Variants in TVP23A observed in about 807,000 individuals in gnomAD.
TVP23A encodes the protein trans-golgi network vesicle protein 23 homolog A.
In TVP23A, 21 loss-of-function variants were observed where a neutral mutation model predicts 31.7. The ratio of observed to expected loss-of-function variants is 0.66; its 90% CI spans 0.47 to 0.95. TVP23A has a LOEUF of 0.95. Ranked by LOEUF, TVP23A falls within the 40% of genes least tolerant of loss-of-function variation. The probability of loss-of-function intolerance (pLI) is 0.00; values close to 1 mark genes in which losing one functional copy is unlikely to be tolerated. For synonymous variants in TVP23A, 104 were observed against 96.0 expected (o/e 1.08, Z -0.49); for missense variants, 279 against 255.6 (o/e 1.09, Z -0.62).
intron 2 of TVP23A, among the ~76,000 whole-genome samples, chr16:10,778,865 C>T (rs2032247639): frequency 6.6e-6 from 1 of 152,110 alleles, no homozygotes; most frequent in Non-Finnish European, 1.5e-5. Flanking sequence ...ACTTGGGAGG[C>T]TGAGGCAGGA....
intron 2 of TVP23A, among the ~76,000 whole-genome samples, chr16:10,781,151 A>C (rs1201862734): frequency 6.6e-6 from 1 of 152,062 alleles, no homozygotes; most frequent in African/African-American, 2.4e-5. Flanking sequence ...CAACATGAAG[A>C]ACCCCCATCT....
At chr16:10,805,335 T>A (rs529359919) in intron 2 of TVP23A, among the ~76,000 whole-genome samples, 71 of 152,234 alleles carry the variant, frequency 4.7e-4, no homozygotes, top group African/African-American at 1.5e-3. Flanking sequence ...CCCAGCCTAA[T>A]GTGATCTTTT....
chr16:10,801,126 G>T (rs1009550169), intron 2 of TVP23A, among the ~76,000 whole-genome samples: 1 of 152,130 alleles, frequency 6.6e-6, no homozygotes, highest in East Asian at 1.9e-4. Flanking sequence ...TCTTTGAGTG[G>T]CAAAGAGAAT....
Position 10,774,892 on chromosome 16 carries a change from C to T in TVP23A, c.234+60G>A, listed in dbSNP as rs1256130001. Reference sequence around the variant, plus strand: ...TAAACCAAAGTACCTCTTGGTACCACGCACACAGGGGACAAGCCTCGTGTT... The same window carrying T: ...TAAACCAAAGTACCTCTTGGTACCATGCACACAGGGGACAAGCCTCGTGTT... On this transcript the variant is annotated intron_variant, in intron 3 of 7. Coordinates refer to ENST00000299866, the MANE Select transcript of TVP23A (RefSeq NM_001079512.4). 50 of 1,489,782 alleles carry T rather than the reference C, an allele frequency of 3.4e-5. 1 individual carries two copies. The South Asian group carries it at 4.8e-4, about 14-fold the overall frequency. The allele number at this position is 1,489,782 out of a possible 1,614,324, so 92.3% of individuals were successfully genotyped here.
At chr16:10,815,880 A>C (rs2034414269) in intron 2 of TVP23A, among the ~76,000 whole-genome samples, 1 of 152,150 alleles carries the variant, frequency 6.6e-6, no homozygotes, top group Non-Finnish European at 1.5e-5. Context: ...TCTTCCCTTA[A>C]AGATAATCAT....
intron 2 of TVP23A, among the ~76,000 whole-genome samples, chr16:10,783,541 T>G (rs1313592256): frequency 6.6e-6 from 1 of 152,140 alleles, no homozygotes; most frequent in Non-Finnish European, 1.5e-5. Context: ...CCGGGCGTGG[T>G]GGCGCGTACC....
intron 2 of TVP23A, among the ~76,000 whole-genome samples, chr16:10,792,812 T>C (rs1010176880): frequency 6.6e-6 from 1 of 152,242 alleles, no homozygotes; most frequent in Non-Finnish European, 1.5e-5. Flanking sequence ...CCCCAACATC[T>C]GAGCCGGGAG....
chr16:10,775,181 G>A lies in TVP23A; in HGVS notation c.90-85C>T, dbSNP rs1261353489. 8 of 1,514,470 alleles carry A rather than the reference G, an allele frequency of 5.3e-6. No homozygotes were observed. The African/African-American group carries it at 5.5e-5, about 10-fold the overall frequency. 93.8% of individuals were successfully genotyped at this position (1,514,470 alleles called of 1,614,324 possible). On this transcript the variant is annotated intron_variant, in intron 2 of 7. Transcript: ENST00000299866. ...CCCTTTACCACTTCAGACTTTGCTG[G>A]GGGTGTTAGCGTGGCTCAATGGAAT...
chr16:10,776,804 C>T (rs2032056116), intron 2 of TVP23A, among the ~76,000 whole-genome samples: 1 of 152,166 alleles, frequency 6.6e-6, no homozygotes, highest in Non-Finnish European at 1.5e-5. Context: ...GTGGATTATT[C>T]ATGCCTCCCC....
downstream of TVP23A, chr16:10,761,199 C>G (rs549356610): frequency 1.2e-5 from 7 of 566,780 alleles, no homozygotes; most frequent in Admixed American, 1.5e-4. Context: ...GATTACAGTT[C>G]GAGCTGAGAT....
intron 2 of TVP23A, among the ~76,000 whole-genome samples, chr16:10,776,820 C>T (rs566555402): frequency 8.2e-4 from 125 of 152,072 alleles, no homozygotes; most frequent in African/African-American, 2.2e-3. Flanking sequence ...TCCCCTTTTT[C>T]GACCATATAG....
intron 2 of TVP23A, chr16:10,775,553 C>T (rs907211655): frequency 2.0e-6 from 2 of 1,016,162 alleles, no homozygotes; most frequent in South Asian, 4.0e-5. Flanking sequence ...TGTTCCTGGA[C>T]AGAGGGAAAC....
At chr16:10,758,938 G>A (rs1197419845), downstream of TVP23A, among the ~76,000 whole-genome samples, 2 of 152,196 alleles carry the variant, frequency 1.3e-5, no homozygotes, top group Admixed American at 6.5e-5. Context: ...CCTGCAGAGA[G>A]CAACTGCAGG....
intron 2 of TVP23A, among the ~76,000 whole-genome samples, chr16:10,792,420 C>G (rs571218947): frequency 2.6e-5 from 4 of 152,310 alleles, no homozygotes; most frequent in African/African-American, 9.6e-5. Context: ...TCTCCATCCA[C>G]TAGTTCCACC....
At position 10,769,030 on chromosome 16, in the gene TVP23A, G is replaced by C. The variant is rs756625301; in HGVS notation, c.*72C>G. ...GACAAGCCATTAGCACTCTATGCCT[G>C]TCGTCTTGTTTTCCAGGAATCCAAG... On this transcript the variant is annotated 3_prime_UTR_variant, in exon 8 of 8. Coordinates refer to ENST00000299866, the MANE Select transcript of TVP23A (RefSeq NM_001079512.4). The C allele has an allele frequency of 2.9e-5, 47 of 1,613,510 alleles. No individual in the cohort carries two copies. Among genetic ancestry groups the C allele is most frequent in the Non-Finnish European group, 4.0e-5 (47 of 1,179,540 alleles).
chr16:10,766,669 C>T (rs2030924979), downstream of TVP23A: 1 of 310,924 alleles, frequency 3.2e-6, no homozygotes, highest in South Asian at 1.6e-4. This position sits in a 1 kb window ranked among gnomAD's most constrained non-coding sequence, Gnocchi z 4.8. Context: ...GGACAAAACG[C>T]ACAAAGAAAG....
chr16:10,773,444 G>C lies in TVP23A; in HGVS notation c.325-3C>G. 1 of 1,579,764 alleles carries C rather than the reference G, an allele frequency of 6.3e-7. No homozygotes were observed. Among genetic ancestry groups the C allele is most frequent in the Non-Finnish European group, 8.6e-7 (1 of 1,169,464 alleles). ...GCAGCAATGCTATTCGGAGAGACCT[G>C]TTAAAGGAAAGTAATTCAAATGTCA... On this transcript the variant is annotated splice_region_variant and splice_polypyrimidine_tract_variant and intron_variant, in intron 4 of 7. Transcript: ENST00000299866.
In TVP23A at chr16:10,790,563, G is replaced by A. The variant is rs999528022; in HGVS notation, c.90-15467C>T. Among the ~76,000 whole-genome samples, 10 of 152,238 alleles carry A rather than the reference G, an allele frequency of 6.6e-5. No homozygotes were observed. The South Asian group carries it at 2.1e-3, about 32-fold the overall frequency. ...GGCTCCCAAAGTGCTGGGATTACAG[G>A]TGTGAGCCACTGCGCCCGACCATCT... On this transcript the variant is annotated intron_variant, in intron 2 of 7. Transcript: ENST00000299866.
downstream of TVP23A, chr16:10,761,855 C>A: frequency 6.2e-7 from 1 of 1,613,054 alleles, no homozygotes; most frequent in South Asian, 1.1e-5. Context: ...TGGATCCGCT[C>A]ATAGGTGGGT....
Sources: gnomAD v4.1 joint callset for allele counts (sites outside exome capture counted in the v4.1 genomes callset) on GRCh38, gnomAD v4.1.1 for gene constraint, Gnocchi (gnomAD v3.1) non-coding constraint, MANE v1.5 for transcripts, NCBI Gene and HGNC (gene_info 2026-07-23, HGNC 2026-07-21) for gene names.